The following SNAPC3 variants were observed in gnomAD, a reference collection of about 807,000 sequenced individuals.
SNAPC3 encodes the protein snRNA-activating protein complex subunit 3.
Under a neutral mutation model 47.7 loss-of-function variants are expected in SNAPC3, and 56 were observed. The ratio of observed to expected loss-of-function variants is 1.18; its 90% CI spans 0.95 to 1.47. SNAPC3 has a LOEUF of 1.47. SNAPC3 is among the 40% of genes most tolerant of loss of function. The probability of loss-of-function intolerance (pLI) is 0.00; values close to 1 mark genes in which losing one functional copy is unlikely to be tolerated. For missense variants in SNAPC3, 665 were observed against 511.3 expected, an observed-to-expected ratio of 1.30 and a Z score of -2.90; for synonymous variants, 235 against 189.9, an observed-to-expected ratio of 1.24 and a Z score of -1.95.
At position 15,460,885 on chromosome 9, in the gene SNAPC3, G is replaced by A. The variant is rs1481725096; in HGVS notation, c.*1019G>A. The A allele has an allele frequency of 6.6e-6, 1 of 152,086 alleles. No individual in the cohort carries two copies. The highest frequency in any genetic ancestry group is 1.5e-5 in the Non-Finnish European group (1 of 68,022). 9.4% of individuals were successfully genotyped at this position (152,086 alleles called of 1,614,324 possible). A position where few individuals can be genotyped will look rare whatever the true frequency, so the allele number is the denominator to read the frequency against. ...TTGACAAAAGCTTTATGAATGTTAT[G>A]AGTTTAAAATATGTCAATTTAATAC... On this transcript the variant is annotated 3_prime_UTR_variant, in exon 9 of 9. Transcript: ENST00000380821.
rs540765715 is a variant in SNAPC3 at position 15,425,074 on chromosome 9, A to T, written c.392+1088A>T. 2.0e-4 allele frequency among the ~76,000 whole-genome samples: 31 copies of T among 152,298 alleles called. No homozygotes were observed. The East Asian group carries it at 5.4e-3, about 26-fold the overall frequency. On this transcript the variant is annotated intron_variant, in intron 2 of 8. Coordinates refer to ENST00000380821, the MANE Select transcript of SNAPC3 (RefSeq NM_001039697.2). Reference sequence around the variant, plus strand: ...ACATCTCCTATATGGAAAAATTTCAAACTCCTTAGCTAGACATTTGAAGCC... The same window carrying T: ...ACATCTCCTATATGGAAAAATTTCATACTCCTTAGCTAGACATTTGAAGCC...
At chr9:15,464,497 C>T (rs539529998), downstream of SNAPC3, 1 of 200,740 alleles carries the variant, frequency 5.0e-6, no homozygotes, top group Non-Finnish European at 1.0e-5. Flanking sequence ...AATGTACAGA[C>T]TTATCAAAGT....
At chr9:15,448,147 G>C (rs1370077400) in intron 5 of SNAPC3, among the ~76,000 whole-genome samples, 2 of 152,166 alleles carry the variant, frequency 1.3e-5, no homozygotes, top group Non-Finnish European at 2.9e-5. Context: ...GATGGAGATA[G>C]TGTTTGGACA....
intron 8 of SNAPC3, 132 bp from the exon 9 acceptor site, chr9:15,459,587 G>A: frequency 1.5e-6 from 1 of 672,546 alleles, no homozygotes; most frequent in South Asian, 2.1e-5. Flanking sequence ...CAAAATTAAG[G>A]GATTATTATG....
At chr9:15,463,243 G>A (rs1240318293), downstream of SNAPC3, 1 of 50,164 alleles carries the variant, frequency 2.0e-5, no homozygotes, top group Non-Finnish European at 3.8e-5. Context: ...TTTTTTTTTT[G>A]AGATGGAGTC....
At chr9:15,454,625 C>A (rs994371039) in intron 7 of SNAPC3, among the ~76,000 whole-genome samples, 1 of 152,142 alleles carries the variant, frequency 6.6e-6, no homozygotes, top group Non-Finnish European at 1.5e-5. Context: ...GGACTGAATT[C>A]GTGACAGGTA....
At chr9:15,447,697 T>C (rs968196790) in intron 5 of SNAPC3, among the ~76,000 whole-genome samples, 1 of 152,162 alleles carries the variant, frequency 6.6e-6, no homozygotes, top group Non-Finnish European at 1.5e-5. Context: ...TTCACTCGTT[T>C]GAAGCTCTGT....
rs117914995 is a variant in SNAPC3 at position 15,458,184 on chromosome 9, C to A, written c.1088+117C>A. 7.8e-3 allele frequency: 4,375 copies of A among 560,970 alleles called. 38 individuals carry two copies. The highest frequency in any genetic ancestry group is 0.01 in the Non-Finnish European group (3,350 of 325,550). 34.7% of individuals were successfully genotyped at this position (560,970 alleles called of 1,614,324 possible). On this transcript the variant is annotated intron_variant, in intron 8 of 8. Coordinates refer to ENST00000380821, the MANE Select transcript of SNAPC3 (RefSeq NM_001039697.2). ...ACTTTAGGTTATAAATATGAAGTATCATCTAGTAGGGAAGTGCCAGAAAAT... is the reference window on the plus strand; with the variant it reads ...ACTTTAGGTTATAAATATGAAGTATAATCTAGTAGGGAAGTGCCAGAAAAT...
At chr9:15,464,346 C>G (rs2035463301), downstream of SNAPC3, 5 of 194,024 alleles carry the variant, frequency 2.6e-5, no homozygotes, top group Admixed American at 3.1e-4. Context: ...CATATAATTT[C>G]AAAACATGAG....
chr9:15,427,810 A>T (rs10117823), intron 2 of SNAPC3, among the ~76,000 whole-genome samples: 10,427 of 152,220 alleles, frequency 0.068, 461 homozygotes, highest in African/African-American at 0.13. Context: ...CAAAAGAACC[A>T]TGAAATTGGA....
chr9:15,449,557 ATATATATTTTT>A (rs1395700478), intron 5 of SNAPC3, among the ~76,000 whole-genome samples: 2 of 43,388 alleles, frequency 4.6e-5, no homozygotes, highest in African/African-American at 2.2e-4. Flanking sequence ...ATATATATAT[ATATATATTTTT>A]TTTTTTTTTT....
chr9:15,445,078 C>T (rs1563848756), intron 4 of SNAPC3, among the ~76,000 whole-genome samples: 3 of 152,108 alleles, frequency 2.0e-5, no homozygotes, highest in South Asian at 2.1e-4. Context: ...TAGGAGACAG[C>T]GTGAGACCCT....
chr9:15,462,664 T>C (rs2035303133), downstream of SNAPC3: 1 of 152,184 alleles, frequency 6.6e-6, no homozygotes, highest in Non-Finnish European at 1.5e-5. Context: ...AGAGAAGCAA[T>C]AGCTATTTCT....
At chr9:15,449,551 ATATATATATATATTTTT>A (rs1189412144) in intron 5 of SNAPC3, among the ~76,000 whole-genome samples, 388 of 38,904 alleles carry the variant, frequency 1.0e-2, no homozygotes, top group African/African-American at 0.032. Flanking sequence ...ATATATATAT[ATATATATATATATTTTT>A]TTTTTTTTTT....
At chr9:15,456,468 C>T (rs1291652150) in intron 7 of SNAPC3, among the ~76,000 whole-genome samples, 1 of 151,906 alleles carries the variant, frequency 6.6e-6, no homozygotes, top group East Asian at 1.9e-4. Context: ...AAACAATTTA[C>T]ACTTTTTTTT....
chr9:15,466,434 T>A (rs1245510139), downstream of SNAPC3, among the ~76,000 whole-genome samples: 1 of 152,186 alleles, frequency 6.6e-6, no homozygotes, highest in Non-Finnish European at 1.5e-5. Flanking sequence ...TTTACAATTA[T>A]CCTTTCACAA....
downstream of SNAPC3, chr9:15,463,026 G>A (rs145072085): frequency 4.3e-4 from 65 of 152,094 alleles, no homozygotes; most frequent in African/African-American, 1.5e-3. Context: ...CAGCAGTACT[G>A]TATCAGCAAA....
At chr9:15,446,879 G>T (rs192424679) in intron 4 of SNAPC3, among the ~76,000 whole-genome samples, 1 of 152,070 alleles carries the variant, frequency 6.6e-6, no homozygotes, top group African/African-American at 2.4e-5. Flanking sequence ...TAAAGGAGGT[G>T]GTTTCAGAGT....
intron 5 of SNAPC3, among the ~76,000 whole-genome samples, chr9:15,449,345 G>C (rs1029366932): frequency 2.6e-5 from 4 of 151,842 alleles, no homozygotes. Context: ...TTTTAATCAA[G>C]TCCAGTCTGG....
Sources: allele counts gnomAD v4.1 joint callset (sites outside exome capture counted in the v4.1 genomes callset), GRCh38; gene constraint gnomAD v4.1.1; transcripts MANE v1.5; gene names NCBI Gene and HGNC (gene_info 2026-07-23, HGNC 2026-07-21).